Variants in BABAM2 observed in about 807,000 individuals in gnomAD.
The protein encoded by BABAM2 is BRISC and BRCA1-A complex member 2.
Under a neutral mutation model 54.7 loss-of-function variants are expected in BABAM2, and 31 were observed. That is an observed-to-expected ratio of 0.57 (90% CI 0.43 to 0.77). BABAM2 has a LOEUF of 0.77. Among genes scored for constraint, BABAM2 ranks in the 30% least tolerant of loss-of-function variants. BABAM2 has a pLI of 0.00. For missense variants in BABAM2, 364 were observed against 455.8 expected, an observed-to-expected ratio of 0.80 and a Z score of 1.83; for synonymous variants, 167 against 162.9, an observed-to-expected ratio of 1.03 and a Z score of -0.19.
Position 27,988,093 on chromosome 2 carries a change from T to C in BABAM2, c.300+6T>C, listed in dbSNP as rs1040555855. The C allele has an allele frequency of 1.2e-6, 2 of 1,607,772 alleles. No individual in the cohort carries two copies. The highest frequency in any genetic ancestry group is 1.3e-5 in the African/African-American group (1 of 74,722). ...CAGACCCCTCAGCTTTGCAGGTGAG[T>C]ACTGCAGACTTGCTTGAATGATCTT... On this transcript the variant is annotated splice_donor_region_variant and intron_variant, in intron 4 of 11. Coordinates refer to ENST00000379624, the MANE Select transcript of BABAM2 (RefSeq NM_199191.3).
chr2:28,080,364 A>G (rs996559410), intron 6 of BABAM2, among the ~76,000 whole-genome samples: 3 of 152,202 alleles, frequency 2.0e-5, no homozygotes, highest in African/African-American at 4.8e-5. Context: ...TTAAATGAAA[A>G]CAGATTATAA....
intron 6 of BABAM2, among the ~76,000 whole-genome samples, chr2:28,065,972 C>G (rs1174467942): frequency 2.2e-5 from 3 of 139,018 alleles, no homozygotes; most frequent in Non-Finnish European, 3.1e-5. Context: ...GAAACCCTGT[C>G]TCTACTAAAA....
At chr2:28,090,449 G>A (rs1423897973) in intron 6 of BABAM2, among the ~76,000 whole-genome samples, 1 of 152,010 alleles carries the variant, frequency 6.6e-6, no homozygotes, top group Non-Finnish European at 1.5e-5. Context: ...TCACCGTGTT[G>A]GCCAGGATAG....
chr2:28,327,201 GA>G, intron 11 of BABAM2: 1 of 1,491,856 alleles, frequency 6.7e-7, no homozygotes, highest in African/African-American at 1.4e-5. Context: ...AGCCCATTAG[GA>G]CTACCCTGTC....
At chr2:28,125,303 A>ATTT (rs887674314) in intron 6 of BABAM2, among the ~76,000 whole-genome samples, 1 of 151,190 alleles carries the variant, frequency 6.6e-6, no homozygotes, top group African/African-American at 2.4e-5. Context: ...TATTATTATT[A>ATTT]TTTTTTTTGA....
intron 4 of BABAM2, among the ~76,000 whole-genome samples, chr2:27,994,971 G>A (rs1391227068): frequency 1.3e-5 from 2 of 152,178 alleles, no homozygotes; most frequent in Non-Finnish European, 2.9e-5. Context: ...CTTACCTAAA[G>A]GGGTAAAGGA....
At chr2:28,216,300 T>C (rs1679911118) in intron 7 of BABAM2, among the ~76,000 whole-genome samples, 1 of 152,226 alleles carries the variant, frequency 6.6e-6, no homozygotes, top group African/African-American at 2.4e-5. Context: ...CTTTACAATA[T>C]TATTTCTAGA....
intron 7 of BABAM2, among the ~76,000 whole-genome samples, chr2:28,225,293 C>T (rs769045112): frequency 6.6e-6 from 1 of 152,080 alleles, no homozygotes; most frequent in African/African-American, 2.4e-5. Context: ...CAAGGGTGGG[C>T]GCCAGGGAGG....
intron 6 of BABAM2, among the ~76,000 whole-genome samples, chr2:28,058,490 G>A (rs1378884684): frequency 6.6e-6 from 1 of 151,768 alleles, no homozygotes. Flanking sequence ...CAAGGTGATA[G>A]AAAACTTAAT....
At chr2:28,126,348 G>C (rs1558361942) in intron 6 of BABAM2, among the ~76,000 whole-genome samples, 2 of 135,208 alleles carry the variant, frequency 1.5e-5, no homozygotes, top group African/African-American at 2.8e-5. Context: ...CTGTGTCCAT[G>C]TGTTCTCATT....
At chr2:28,324,000 G>A (rs1322171220) in intron 11 of BABAM2, among the ~76,000 whole-genome samples, 1 of 152,286 alleles carries the variant, frequency 6.6e-6, no homozygotes, top group South Asian at 2.1e-4. Context: ...TCATAATTCT[G>A]CTGAAAAGCT....
intron 6 of BABAM2, among the ~76,000 whole-genome samples, chr2:28,070,773 T>C (rs1178962311): frequency 2.6e-5 from 4 of 152,166 alleles, no homozygotes; most frequent in Admixed American, 2.6e-4. Context: ...TCTCTTTATA[T>C]GGACATTTAA....
intron 6 of BABAM2, among the ~76,000 whole-genome samples, chr2:28,067,251 A>C (rs1374383441): frequency 5.3e-5 from 8 of 152,114 alleles, no homozygotes; most frequent in Non-Finnish European, 8.8e-5. Context: ...ATGTTTTAAA[A>C]CCACACAGGT....
chr2:28,235,562 T>C (rs977945316), intron 7 of BABAM2, among the ~76,000 whole-genome samples: 4 of 152,192 alleles, frequency 2.6e-5, no homozygotes, highest in African/African-American at 9.6e-5. Flanking sequence ...CTTTTAGTAG[T>C]GTTTTATACA....
chr2:27,890,387 C>A (rs1220825558), upstream of BABAM2: 2 of 1,575,422 alleles, frequency 1.3e-6, no homozygotes, highest in Non-Finnish European at 8.6e-7. This position sits in a 1 kb window ranked among gnomAD's most constrained non-coding sequence, Gnocchi z 4.8. Flanking sequence ...GTGACCTCTG[C>A]CCTTTGCCCG....
chr2:28,129,532 C>G, intron 7 of BABAM2, 152 bp downstream of exon 7: 1 of 716,352 alleles, frequency 1.4e-6, no homozygotes, highest in South Asian at 1.8e-5. Flanking sequence ...GTTTCCATTG[C>G]AGAGTAAATG....
chr2:28,071,682 G>A (rs896714959), intron 6 of BABAM2, among the ~76,000 whole-genome samples: 1 of 152,084 alleles, frequency 6.6e-6, no homozygotes, highest in Admixed American at 6.5e-5. Flanking sequence ...GTTATCCAGC[G>A]TTACAGTTCA....
intron 2 of BABAM2, among the ~76,000 whole-genome samples, chr2:27,899,659 G>T (rs1278108408): frequency 6.6e-6 from 1 of 152,008 alleles, no homozygotes; most frequent in Non-Finnish European, 1.5e-5. Context: ...TAGAGATGGG[G>T]TTTCATCATC....
At chr2:28,115,369 A>G (rs1231791872) in intron 6 of BABAM2, among the ~76,000 whole-genome samples, 1 of 152,084 alleles carries the variant, frequency 6.6e-6, no homozygotes, top group African/African-American at 2.4e-5. Flanking sequence ...TAGGTTCACT[A>G]TAATCCCTGC....
Sources: allele counts gnomAD v4.1 joint callset (sites outside exome capture counted in the v4.1 genomes callset), GRCh38; gene constraint gnomAD v4.1.1; non-coding constraint Gnocchi (gnomAD v3.1); transcripts MANE v1.5; gene names NCBI Gene and HGNC (gene_info 2026-07-23, HGNC 2026-07-21).